LRMDA: variants seen among roughly 807,000 people sequenced by gnomAD.
The protein encoded by LRMDA is leucine rich melanocyte differentiation associated, also known as leucine-rich melanocyte differentiation-associated protein.
LRMDA carries 18 observed loss-of-function variants against 29.8 expected under a neutral mutation model. That is an observed-to-expected ratio of 0.60 (90% CI 0.42 to 0.90). The LOEUF (loss-of-function observed/expected upper bound fraction) is 0.90, where lower values mean the gene tolerates loss of function less well. Among genes scored for constraint, LRMDA ranks in the 40% least tolerant of loss-of-function variants. The pLI is 0.00. For synonymous variants in LRMDA, 125 were observed against 109.4 expected (o/e 1.14, Z -0.89); for missense variants, 273 against 273.9 (o/e 1.00, Z 0.02).
intron 5 of LRMDA, among the ~76,000 whole-genome samples, chr10:76,289,559 A>G (rs1173739832): frequency 6.6e-6 from 1 of 152,114 alleles, no homozygotes; most frequent in Non-Finnish European, 1.5e-5. Flanking sequence ...ATCTAATAAA[A>G]CGCATTGTCT....
intron 2 of LRMDA, among the ~76,000 whole-genome samples, chr10:75,537,873 A>G (rs1235708080): frequency 6.6e-6 from 1 of 152,058 alleles, no homozygotes; most frequent in African/African-American, 2.4e-5. Flanking sequence ...TGTCCCCTCT[A>G]TAGGATGCTC....
At chr10:76,345,136 G>C (rs1486945967) in intron 6 of LRMDA, among the ~76,000 whole-genome samples, 1 of 134,414 alleles carries the variant, frequency 7.4e-6, no homozygotes, top group Non-Finnish European at 1.5e-5. Flanking sequence ...GCGCGATCTC[G>C]GCTCGCTGCA....
intron 5 of LRMDA, among the ~76,000 whole-genome samples, chr10:76,123,481 C>A (rs1849825950): frequency 6.6e-6 from 1 of 152,150 alleles, no homozygotes; most frequent in Admixed American, 6.5e-5. Context: ...TGCACTCCAG[C>A]CTGGGCAACA....
At chr10:76,039,751 C>T (rs1034565967) in intron 3 of LRMDA, among the ~76,000 whole-genome samples, 1 of 152,208 alleles carries the variant, frequency 6.6e-6, no homozygotes, top group Non-Finnish European at 1.5e-5. Context: ...TTTGAAAATG[C>T]AGACAATGCT....
At chr10:76,265,098 G>A (rs1247472) in intron 5 of LRMDA, among the ~76,000 whole-genome samples, 97,880 of 151,882 alleles carry the variant, frequency 0.64, 31,674 homozygotes, top group East Asian at 0.85. Context: ...GATCCCCATG[G>A]CCTCTGGGGC....
At chr10:76,410,757 C>T (rs1305045457) in intron 6 of LRMDA, among the ~76,000 whole-genome samples, 1 of 152,026 alleles carries the variant, frequency 6.6e-6, no homozygotes, top group Non-Finnish European at 1.5e-5. Flanking sequence ...AGTTTGAGAC[C>T]AGCCTGGCCA....
At chr10:76,338,569 A>G (rs1281436051) in intron 6 of LRMDA, among the ~76,000 whole-genome samples, 1 of 152,096 alleles carries the variant, frequency 6.6e-6, no homozygotes. Flanking sequence ...TAACAGAGCT[A>G]TCTCTAAGCC....
intron 2 of LRMDA, among the ~76,000 whole-genome samples, chr10:75,970,765 G>A (rs1319632515): frequency 6.6e-6 from 1 of 152,168 alleles, no homozygotes; most frequent in Admixed American, 6.5e-5. Flanking sequence ...TTTTTACTGT[G>A]TCTTCTTATT....
chr10:76,335,934 C>T (rs1382748017), intron 6 of LRMDA, among the ~76,000 whole-genome samples: 3 of 152,094 alleles, frequency 2.0e-5, no homozygotes. Context: ...CATGTCCAAC[C>T]CACCCCCGAC....
intron 6 of LRMDA, among the ~76,000 whole-genome samples, chr10:76,327,267 A>G (rs893806223): frequency 6.6e-6 from 1 of 151,746 alleles, no homozygotes. Context: ...AATTTTTTGT[A>G]TCTTTAGTAG....
chr10:76,239,711 C>T (rs1219456203), intron 5 of LRMDA, among the ~76,000 whole-genome samples: 1 of 151,966 alleles, frequency 6.6e-6, no homozygotes, highest in Admixed American at 6.6e-5. Context: ...TAACTTGTTC[C>T]TCTATCCTCT....
intron 6 of LRMDA, among the ~76,000 whole-genome samples, chr10:76,356,225 A>G (rs984717430): frequency 6.6e-6 from 1 of 152,228 alleles, no homozygotes; most frequent in African/African-American, 2.4e-5. Context: ...GATGGTAGTT[A>G]TTATTCCAAA....
intron 5 of LRMDA, among the ~76,000 whole-genome samples, chr10:76,071,025 T>A (rs964592235): frequency 6.6e-6 from 1 of 152,142 alleles, no homozygotes; most frequent in Non-Finnish European, 1.5e-5. Context: ...ACAGGACCAA[T>A]GCGGGAAAGG....
intron 5 of LRMDA, among the ~76,000 whole-genome samples, chr10:76,142,109 C>T (rs1850212980): frequency 6.6e-6 from 1 of 152,000 alleles, no homozygotes; most frequent in South Asian, 2.1e-4. Context: ...TTTTCTACCT[C>T]AAGGTCAATA....
intron 2 of LRMDA, among the ~76,000 whole-genome samples, chr10:75,512,988 G>T (rs927207741): frequency 4.6e-5 from 7 of 152,044 alleles, no homozygotes; most frequent in African/African-American, 9.7e-5. Flanking sequence ...GAAAAAGGGG[G>T]TTTTCTCGGT....
At chr10:75,442,738 T>C (rs1424334325) in intron 2 of LRMDA, among the ~76,000 whole-genome samples, 1 of 152,142 alleles carries the variant, frequency 6.6e-6, no homozygotes, top group Non-Finnish European at 1.5e-5. Flanking sequence ...TGGAGTCTTT[T>C]GTGTCACATG....
intron 2 of LRMDA, among the ~76,000 whole-genome samples, chr10:75,928,776 G>T (rs1252043722): frequency 6.6e-6 from 1 of 152,070 alleles, no homozygotes; most frequent in Non-Finnish European, 1.5e-5. Context: ...ATAACCTTGG[G>T]CCCCACTTCC....
intron 2 of LRMDA, among the ~76,000 whole-genome samples, chr10:75,947,835 T>A (rs1015312704): frequency 6.6e-6 from 1 of 152,146 alleles, no homozygotes; most frequent in Non-Finnish European, 1.5e-5. Context: ...AATTCATAGA[T>A]CTCTCCCCTT....
chr10:75,454,699 C>T (rs948625758), intron 2 of LRMDA, among the ~76,000 whole-genome samples: 5 of 152,180 alleles, frequency 3.3e-5, no homozygotes, highest in African/African-American at 1.2e-4. Flanking sequence ...TGAATTCTTC[C>T]CAGATGCCTG....
Sources: allele counts gnomAD v4.1 joint callset (sites outside exome capture counted in the v4.1 genomes callset), GRCh38; gene constraint gnomAD v4.1.1; transcripts MANE v1.5; gene names NCBI Gene and HGNC (gene_info 2026-07-23, HGNC 2026-07-21).